GLB1L2: variants seen among roughly 807,000 people sequenced by gnomAD.
GLB1L2 encodes the protein beta-galactosidase-1-like protein 2.
Under a neutral mutation model 84.1 loss-of-function variants are expected in GLB1L2, and 68 were observed. The observed-to-expected ratio is 0.81, with a 90% CI of 0.67 to 0.99. The LOEUF is 0.99. Among genes scored for constraint, GLB1L2 ranks in the 50% least tolerant of loss-of-function variants. The pLI, the probability that GLB1L2 is intolerant of heterozygous loss-of-function variation, is 0.00. For synonymous variants in GLB1L2, 290 were observed against 318.0 expected, an observed-to-expected ratio of 0.91 and a Z score of 0.94; for missense variants, 762 against 805.6, an observed-to-expected ratio of 0.95 and a Z score of 0.66.
intron 8 of GLB1L2, among the ~76,000 whole-genome samples, chr11:134,366,582 G>A (rs1028609929): frequency 5.4e-5 from 8 of 149,504 alleles, no homozygotes; most frequent in Non-Finnish European, 1.1e-4. Flanking sequence ...TGGCAGAGTG[G>A]AGCATGGTCC....
chr11:134,371,396 T>C, intron 13 of GLB1L2, 25 bp from the exon 14 acceptor site: 1 of 1,450,716 alleles, frequency 6.9e-7, no homozygotes, highest in Non-Finnish European at 9.7e-7. Context: ...TGGTCATGGA[T>C]GTTCCTGCCT....
chr11:134,374,551 C>T (rs1337514602), intron 17 of GLB1L2, 51 bp from the exon 18 acceptor site: 1 of 1,432,452 alleles, frequency 7.0e-7, no homozygotes, highest in Admixed American at 1.7e-5. Flanking sequence ...TCTCCCTCCA[C>T]TTTTGCTGTG....
chr11:134,350,192 A>G (rs57627811), intron 5 of GLB1L2, among the ~76,000 whole-genome samples: 3,632 of 152,276 alleles, frequency 0.024, 149 homozygotes, highest in African/African-American at 0.082. Flanking sequence ...CAGGAGTTGC[A>G]TAGGAATTGC....
chr11:134,352,766 C>T (rs1252935138), intron 5 of GLB1L2, among the ~76,000 whole-genome samples: 1 of 151,738 alleles, frequency 6.6e-6, no homozygotes, highest in Non-Finnish European at 1.5e-5. Context: ...TCATTACTCA[C>T]CCTCCCAAGT....
intron 1 of GLB1L2, among the ~76,000 whole-genome samples, chr11:134,335,320 T>C (rs1038137903): frequency 1.3e-5 from 2 of 151,986 alleles, no homozygotes; most frequent in Non-Finnish European, 1.5e-5. Context: ...TGGGAGGTAA[T>C]TGATTTTATG....
At chr11:134,340,767 T>C (rs11223762) in intron 1 of GLB1L2, among the ~76,000 whole-genome samples, 53,524 of 152,160 alleles carry the variant, frequency 0.35, 9,647 homozygotes, top group Non-Finnish European at 0.38. Context: ...TCGTAGATGG[T>C]GTGGCTGTGT....
At chr11:134,371,389 T>C in intron 13 of GLB1L2, 32 bp from the exon 14 acceptor site, 1 of 1,401,584 alleles carries the variant, frequency 7.1e-7, no homozygotes, top group Non-Finnish European at 1.0e-6. Context: ...CTCCTGTTGG[T>C]CATGGATGTT....
intron 7 of GLB1L2, among the ~76,000 whole-genome samples, chr11:134,363,921 A>C (rs1210535556): frequency 6.6e-6 from 1 of 152,200 alleles, no homozygotes; most frequent in African/African-American, 2.4e-5. Flanking sequence ...TCTGTCACCC[A>C]GGCTAGGGTG....
At chr11:134,362,089 G>C (rs746773490) in intron 7 of GLB1L2, among the ~76,000 whole-genome samples, 9 of 152,156 alleles carry the variant, frequency 5.9e-5, no homozygotes, top group Non-Finnish European at 1.2e-4. Context: ...TGTGTATTGG[G>C]TGCTTCTGTA....
In GLB1L2 at chr11:134,358,281, C is replaced by T. The variant is rs528731739; in HGVS notation, c.652-779C>T. Among the ~76,000 whole-genome samples the T allele has an allele frequency of 2.3e-4, 35 of 152,372 alleles. 1 individual carries two copies. In the East Asian group the frequency reaches 4.2e-3, roughly 18 times the overall value. On this transcript the variant is annotated intron_variant, in intron 6 of 18. Coordinates refer to ENST00000535456, the MANE Select transcript of GLB1L2 (RefSeq NM_001370461.1). Reference sequence around the variant, plus strand: ...GCCTTTGGCTCTGGGTTCAGGCCCACGTTGCCATGGGCCCTGTAACCTGCG... The same window carrying T: ...GCCTTTGGCTCTGGGTTCAGGCCCATGTTGCCATGGGCCCTGTAACCTGCG...
Position 134,338,559 on chromosome 11 carries a change from C to T in GLB1L2, c.87-4195C>T, listed in dbSNP as rs1229105392. Among the ~76,000 whole-genome samples the T allele has an allele frequency of 6.6e-6, 1 of 152,128 alleles. No individual in the cohort carries two copies. Among genetic ancestry groups the T allele is most frequent in the Non-Finnish European group, 1.5e-5 (1 of 68,008 alleles). ...CTGCCTGCTGGGGCCTGCCCTGTAC[C>T]CTTCATCCTCAGGACCCACCTCACC... On this transcript the variant is annotated intron_variant, in intron 1 of 18. Transcript: ENST00000535456. This position sits in a 1 kb window ranked among gnomAD's most constrained non-coding sequence, Gnocchi z 6.2.
intron 5 of GLB1L2, among the ~76,000 whole-genome samples, chr11:134,350,781 T>G (rs77898355): frequency 0.043 from 6,573 of 152,350 alleles, 502 homozygotes; most frequent in East Asian, 0.32. Flanking sequence ...ACCTCCTTGA[T>G]TAAATGTATT....
At chr11:134,364,277 C>T in intron 7 of GLB1L2, 51 bp from the exon 8 acceptor site, 1 of 1,488,218 alleles carries the variant, frequency 6.7e-7, no homozygotes, top group Non-Finnish European at 9.3e-7. Context: ...CTAGAAGGTC[C>T]CTGGCTTTGA....
intron 5 of GLB1L2, among the ~76,000 whole-genome samples, chr11:134,353,141 G>T (rs1414552891): frequency 6.6e-6 from 1 of 151,998 alleles, no homozygotes; most frequent in East Asian, 1.9e-4. Context: ...GGGTGTGGTG[G>T]CTCATGCCTG....
intron 10 of GLB1L2, among the ~76,000 whole-genome samples, chr11:134,369,456 A>G (rs1442418700): frequency 7.0e-6 from 1 of 143,696 alleles, no homozygotes; most frequent in Non-Finnish European, 1.5e-5. Context: ...TGGCCTCCCA[A>G]AGTGCTGGGA....
At chr11:134,361,973 C>T (rs1000784828) in intron 7 of GLB1L2, among the ~76,000 whole-genome samples, 1 of 152,140 alleles carries the variant, frequency 6.6e-6, no homozygotes, top group Non-Finnish European at 1.5e-5. Flanking sequence ...GCTGCGCATC[C>T]GGGGAGCGGC....
Position 134,374,800 on chromosome 11 carries a change from G to A in GLB1L2, c.1824+82G>A, listed in dbSNP as rs572756544. 2,485 of 1,257,790 alleles carry A rather than the reference G, an allele frequency of 2.0e-3. 3 individuals carry two copies. Among genetic ancestry groups the A allele is most frequent in the Non-Finnish European group, 2.7e-3 (2,294 of 863,242 alleles). The allele number at this position is 1,257,790 out of a possible 1,614,324, so 77.9% of individuals were successfully genotyped here. ...AGGGAGCCTTCGGTCAGGGTGGAGG[G>A]GCGTGTCAGCGGGTTCTTCCTCCCT... On this transcript the variant is annotated intron_variant, in intron 18 of 18. Transcript: ENST00000535456.
chr11:134,342,670 T>C, intron 1 of GLB1L2, 84 bp from the exon 2 acceptor site: 1 of 1,353,018 alleles, frequency 7.4e-7, no homozygotes, highest in Non-Finnish European at 1.0e-6. Flanking sequence ...GAGAGAGAAA[T>C]GCCGAGGACC....
At chr11:134,371,669 G>A in intron 14 of GLB1L2, 83 bp from the exon 15 acceptor site, 1 of 1,350,742 alleles carries the variant, frequency 7.4e-7, no homozygotes, top group Non-Finnish European at 1.1e-6. Context: ...CCAGAGCGTA[G>A]GGAAGAACTG....
Sources: allele counts gnomAD v4.1 joint callset (sites outside exome capture counted in the v4.1 genomes callset), GRCh38; gene constraint gnomAD v4.1.1; non-coding constraint Gnocchi (gnomAD v3.1); transcripts MANE v1.5; gene names NCBI Gene and HGNC (gene_info 2026-07-23, HGNC 2026-07-21).